VTA1: variants seen among roughly 807,000 people sequenced by gnomAD.
The protein encoded by VTA1 is vacuolar protein sorting-associated protein VTA1 homolog.
Under a neutral mutation model 36.9 loss-of-function variants are expected in VTA1, and 24 were observed. That is an observed-to-expected ratio of 0.65 (90% CI 0.47 to 0.91). VTA1 has a LOEUF of 0.91. VTA1 is among the 40% of genes least tolerant of loss of function. The pLI is 0.00. For synonymous variants in VTA1, 142 were observed against 130.2 expected (o/e 1.09, Z -0.62); for missense variants, 393 against 377.2 (o/e 1.04, Z -0.35).
At chr6:142,212,572 A>G (rs1347111581) in intron 7 of VTA1, among the ~76,000 whole-genome samples, 1 of 152,030 alleles carries the variant, frequency 6.6e-6, no homozygotes, top group Admixed American at 6.5e-5. Flanking sequence ...TCTATTTTGT[A>G]TGACACTGTG....
At chr6:142,215,166 C>T (rs1483895868) in intron 7 of VTA1, among the ~76,000 whole-genome samples, 3 of 152,030 alleles carry the variant, frequency 2.0e-5, no homozygotes, top group Non-Finnish European at 4.4e-5. Context: ...TGGCCAGGCG[C>T]GGTGGCACAC....
At chr6:142,196,578 T>TA (rs1477797128) in intron 5 of VTA1, among the ~76,000 whole-genome samples, 1 of 152,200 alleles carries the variant, frequency 6.6e-6, no homozygotes, top group African/African-American at 2.4e-5. Flanking sequence ...TTTTTTCTCT[T>TA]ACAGTTTTTC....
In VTA1 at chr6:142,222,074, T is replaced by G. The variant is rs1476268084; in HGVS notation, c.*3431T>G. ...AACGGGATTGGTTTCTGGCGGCTTT[T>G]TTTTAGGTAGAGCCACAGGATTTCT... On this transcript the variant is annotated 3_prime_UTR_variant, in exon 8 of 8. Coordinates refer to ENST00000367630, the MANE Select transcript of VTA1 (RefSeq NM_016485.5). 6.6e-6 allele frequency: 1 copy of G among 152,082 alleles called. No individual in the cohort carries two copies. The highest frequency in any genetic ancestry group is 1.5e-5 in the Non-Finnish European group (1 of 68,032). 9.4% of individuals were successfully genotyped at this position (152,082 alleles called of 1,614,324 possible).
intron 5 of VTA1, among the ~76,000 whole-genome samples, chr6:142,194,101 G>A (rs1775501668): frequency 6.6e-6 from 1 of 152,066 alleles, no homozygotes; most frequent in Admixed American, 6.6e-5. Context: ...ATAGTAAGGT[G>A]ATATTGTTGC....
At chr6:142,152,724 A>T (rs1778590764) in intron 1 of VTA1, among the ~76,000 whole-genome samples, 1 of 152,106 alleles carries the variant, frequency 6.6e-6, no homozygotes, top group African/African-American at 2.4e-5. Context: ...TACCTGTTTA[A>T]CCTTCTCATG....
At chr6:142,147,442 A>T (rs753844696) in intron 1 of VTA1, 43 bp downstream of exon 1, 2 of 1,576,048 alleles carry the variant, frequency 1.3e-6, no homozygotes, top group Non-Finnish European at 1.7e-6. Context: ...TCCCAGTTGC[A>T]TTTTAGGGCC....
intron 3 of VTA1, 51 bp from the exon 4 acceptor site, chr6:142,170,295 C>T (rs763118578): frequency 1.5e-6 from 2 of 1,366,636 alleles, no homozygotes; most frequent in South Asian, 1.2e-5. Context: ...GACAAAACTA[C>T]ATTTTAATGT....
chr6:142,166,356 A>G (rs760913838), intron 2 of VTA1, 34 bp downstream of exon 2: 2 of 1,444,086 alleles, frequency 1.4e-6, no homozygotes, highest in South Asian at 1.2e-5. Flanking sequence ...TTTTCTGGTT[A>G]TGGTTAAAAT....
At chr6:142,181,104 T>A (rs1470893829) in intron 4 of VTA1, among the ~76,000 whole-genome samples, 3 of 109,812 alleles carry the variant, frequency 2.7e-5, no homozygotes, top group Non-Finnish European at 3.9e-5. Context: ...AATATATATA[T>A]ATATATATAT....
At chr6:142,169,075 T>G (rs970837730) in intron 2 of VTA1, among the ~76,000 whole-genome samples, 2 of 152,096 alleles carry the variant, frequency 1.3e-5, no homozygotes, top group Non-Finnish European at 2.9e-5. Context: ...GGCCGAGAGA[T>G]ATTATTTTAC....
At chr6:142,161,986 C>G (rs1038205808) in intron 1 of VTA1, among the ~76,000 whole-genome samples, 1 of 151,962 alleles carries the variant, frequency 6.6e-6, no homozygotes, top group Non-Finnish European at 1.5e-5. Flanking sequence ...TGAGAGGATC[C>G]AATTCTTCAA....
chr6:142,188,927 C>T (rs1015233608), intron 4 of VTA1, among the ~76,000 whole-genome samples: 1 of 152,156 alleles, frequency 6.6e-6, no homozygotes, highest in Non-Finnish European at 1.5e-5. Flanking sequence ...TGTTAACTAG[C>T]ATGTGACTAG....
Position 142,147,374 on chromosome 6 carries a change from G to C in VTA1, c.87G>C (p.Lys29Asn). Residue 29 changes from lysine (K) to asparagine (N), a missense_variant, in exon 1 of 8, where the codon AAG (lysine) becomes AAC (asparagine). Physicochemically the swap from Lys to Asn is moderately conservative, Grantham distance 94 (BLOSUM62 0). Coordinates refer to ENST00000367630, the MANE Select transcript of VTA1 (RefSeq NM_016485.5). The stretch of plus-strand genomic sequence containing the variant: ...TGAGGACGGCTCAGGAGCATGACAA[G>C]CGAGACCCTGTGGTGGCTTATTACT... ...HHLRTAQEHD[K>N]RDPVVAYYCR... 6.2e-7 allele frequency: 1 copy of C among 1,614,222 alleles called. No homozygotes were observed. Among genetic ancestry groups the C allele is most frequent in the Non-Finnish European group, 8.5e-7 (1 of 1,180,036 alleles).
At chr6:142,170,697 A>G (rs9496289) in intron 4 of VTA1, among the ~76,000 whole-genome samples, 32 of 150,376 alleles carry the variant, frequency 2.1e-4, no homozygotes, top group African/African-American at 7.6e-4. Context: ...CAGTGGTGTG[A>G]TCTCAGCTCA....
intron 7 of VTA1, among the ~76,000 whole-genome samples, chr6:142,204,614 A>G (rs182475141): frequency 4.8e-4 from 73 of 151,408 alleles, no homozygotes; most frequent in African/African-American, 1.7e-3. Flanking sequence ...TCTCATTCAG[A>G]CTTTTGTTTT....
intron 1 of VTA1, among the ~76,000 whole-genome samples, chr6:142,160,232 CG>C (rs1315222936): frequency 6.6e-6 from 1 of 152,052 alleles, no homozygotes; most frequent in Admixed American, 6.5e-5. Context: ...AGTTTAACAC[CG>C]CTACAAAAGT....
At chr6:142,195,974 G>A (rs1775537480) in intron 5 of VTA1, among the ~76,000 whole-genome samples, 1 of 152,090 alleles carries the variant, frequency 6.6e-6, no homozygotes, top group African/African-American at 2.4e-5. Context: ...AATGTCCCAT[G>A]TGCAGTTGAA....
intron 7 of VTA1, among the ~76,000 whole-genome samples, chr6:142,205,838 T>C (rs181699866): frequency 6.6e-6 from 1 of 152,114 alleles, no homozygotes; most frequent in African/African-American, 2.4e-5. Context: ...AATTTTGATA[T>C]TATACAAGAA....
At chr6:142,147,566 A>C (rs959153883) in intron 1 of VTA1, among the ~76,000 whole-genome samples, 167 bp downstream of exon 1, 3 of 152,192 alleles carry the variant, frequency 2.0e-5, no homozygotes, top group Non-Finnish European at 2.9e-5. Flanking sequence ...TGGCAGTAGG[A>C]ATCCCAAAAC....
Sources: allele counts gnomAD v4.1 joint callset (sites outside exome capture counted in the v4.1 genomes callset), GRCh38; gene constraint gnomAD v4.1.1; transcripts MANE v1.5; gene names NCBI Gene and HGNC (gene_info 2026-07-23, HGNC 2026-07-21).